The following CELF2 variants were observed in gnomAD, a reference collection of about 807,000 sequenced individuals.
The protein encoded by CELF2 is CUG triplet repeat RNA-binding protein 2.
In CELF2, 8 loss-of-function variants were observed where a neutral mutation model predicts 62.6. The observed-to-expected ratio is 0.13, with a 90% confidence interval of 0.07 to 0.23. The LOEUF (loss-of-function observed/expected upper bound fraction) is 0.23, where lower values mean the gene tolerates loss of function less well. Among genes scored for constraint, CELF2 ranks in the 10% least tolerant of loss-of-function variants. The probability of loss-of-function intolerance (pLI) is 1.00; values close to 1 mark genes in which losing one functional copy is unlikely to be tolerated. For missense variants in CELF2, 333 were observed against 671.0 expected, an observed-to-expected ratio of 0.50 and a Z score of 5.56; for synonymous variants, 258 against 250.0, an observed-to-expected ratio of 1.03 and a Z score of -0.30.
chr10:10,699,326 A>G, the CELF2 span, among the ~76,000 whole-genome samples: 1 of 152,220 alleles, frequency 6.6e-6, no homozygotes. Flanking sequence ...GGATTTCAAT[A>G]TAATCTGTGG....
chr10:10,735,591 A>C, the CELF2 span, among the ~76,000 whole-genome samples: 4 of 152,236 alleles, frequency 2.6e-5, no homozygotes, highest in African/African-American at 7.2e-5. Flanking sequence ...AGACAGATGA[A>C]TATCTATTTC....
At chr10:10,984,388 G>A (rs953550602) in intron 2 of CELF2, among the ~76,000 whole-genome samples, 4 of 152,170 alleles carry the variant, frequency 2.6e-5, no homozygotes, top group Non-Finnish European at 5.9e-5. Context: ...TGACTACTTG[G>A]CTTATTTAAC....
intron 1 of CELF2, chr10:11,096,296 T>A (rs2049856880): frequency 6.6e-6 from 1 of 152,236 alleles, no homozygotes; most frequent in African/African-American, 2.4e-5. Context: ...TCTTTCTTTG[T>A]CTTACCTCTA....
In CELF2 at chr10:11,309,706, G is replaced by A. The variant is rs2094461330; in HGVS notation, c.977-4433G>A. ...TTGAGGCCTGCTCTGATCCCAGGAG[G>A]ACTCTTTCTGGCTGTCCCTTTCCCT... On this transcript the variant is annotated intron_variant, in intron 9 of 12. Transcript: ENST00000633077. This position sits in a 1 kb window ranked among gnomAD's most constrained non-coding sequence, Gnocchi z 5.6. Among the ~76,000 whole-genome samples, 1 of 152,134 alleles carries A rather than the reference G, an allele frequency of 6.6e-6. No individual in the cohort carries two copies. Among genetic ancestry groups the A allele is most frequent in the Non-Finnish European group, 1.5e-5 (1 of 68,006 alleles).
At chr10:10,694,143 G>A in the CELF2 span, among the ~76,000 whole-genome samples, 1 of 150,966 alleles carries the variant, frequency 6.6e-6, no homozygotes, top group Non-Finnish European at 1.5e-5. Context: ...TCTCTTGTGG[G>A]CATTTAGTGC....
At chr10:10,637,413 A>T in the CELF2 span, among the ~76,000 whole-genome samples, 1 of 152,166 alleles carries the variant, frequency 6.6e-6, no homozygotes, top group Non-Finnish European at 1.5e-5. Context: ...TGTCTTCCTT[A>T]GCCTCCCAGA....
chr10:10,825,082 T>C (rs2057277979), intron 1 of CELF2, among the ~76,000 whole-genome samples: 3 of 152,238 alleles, frequency 2.0e-5, no homozygotes, highest in Non-Finnish European at 4.4e-5. Context: ...TGTTTCACAA[T>C]CGGAAATTGA....
intron 2 of CELF2, among the ~76,000 whole-genome samples, chr10:11,193,406 C>T (rs2056554662): frequency 6.6e-6 from 1 of 152,230 alleles, no homozygotes; most frequent in Admixed American, 6.5e-5. Context: ...CAAAGTTTCA[C>T]CGTGACAAGT....
At chr10:11,307,221 G>A (rs74115828) in intron 9 of CELF2, among the ~76,000 whole-genome samples, 473 of 152,362 alleles carry the variant, frequency 3.1e-3, no homozygotes, top group African/African-American at 0.01. Context: ...CTAGAAGCGC[G>A]CTCTGACGGG....
At chr10:10,875,929 G>A (rs922236334) in intron 1 of CELF2, among the ~76,000 whole-genome samples, 2 of 152,138 alleles carry the variant, frequency 1.3e-5, no homozygotes, top group African/African-American at 4.8e-5. Context: ...CAGCCTTAAT[G>A]GTGCATTTAT....
the CELF2 span, among the ~76,000 whole-genome samples, chr10:10,617,896 T>C: frequency 1.3e-5 from 2 of 152,084 alleles, no homozygotes; most frequent in Non-Finnish European, 2.9e-5. Flanking sequence ...ATTTTCCTAA[T>C]TGGTACAACA....
chr10:10,797,894 C>T (rs2054252548), upstream of CELF2, among the ~76,000 whole-genome samples: 2 of 152,146 alleles, frequency 1.3e-5, no homozygotes, highest in African/African-American at 4.8e-5. Flanking sequence ...GAAAACAATA[C>T]TGCCTGGATA....
rs1260067198 is a variant in CELF2 at position 11,191,756 on chromosome 10, G to A, written c.272-25669G>A. ...TAGTTACATAATGGTTATCTCATTG[G>A]TGTTTAGATTTCTGAACAAAACGAT... On this transcript the variant is annotated intron_variant, in intron 2 of 12. Coordinates refer to ENST00000633077, the MANE Select transcript of CELF2 (RefSeq NM_001326342.2). This position sits in a 1 kb window ranked among gnomAD's most constrained non-coding sequence, Gnocchi z 4.1. Among the ~76,000 whole-genome samples the A allele has an allele frequency of 1.3e-5, 2 of 152,190 alleles. No homozygotes were observed. Among genetic ancestry groups the A allele is most frequent in the Non-Finnish European group, 1.5e-5 (1 of 68,020 alleles).
At chr10:10,624,609 C>T in the CELF2 span, among the ~76,000 whole-genome samples, 2 of 152,222 alleles carry the variant, frequency 1.3e-5, no homozygotes, top group African/African-American at 2.4e-5. Flanking sequence ...CGCCCAGCAT[C>T]ATGTTTTCCG....
rs2053301717 is a variant in CELF2, at chr10:10,990,467, G to T, written c.89+70468G>T. On this transcript the variant is annotated intron_variant, in intron 2 of 13. Transcript: ENST00000636488. This position sits in a 1 kb window ranked among gnomAD's most constrained non-coding sequence, Gnocchi z 4.6. ...CTGAGCATTATTATGAGCATGAATT[G>T]CTTTTGTAATCATTAAAAACAATAA... Among the ~76,000 whole-genome samples, 1 of 152,056 alleles carries T rather than the reference G, an allele frequency of 6.6e-6. No homozygotes were observed. The highest frequency in any genetic ancestry group is 2.4e-5 in the African/African-American group (1 of 41,436).
intron 1 of CELF2, among the ~76,000 whole-genome samples, chr10:10,875,467 T>C (rs1175692501): frequency 6.6e-6 from 1 of 152,244 alleles, no homozygotes; most frequent in Non-Finnish European, 1.5e-5. Flanking sequence ...CTTAAAATTA[T>C]AAAAATTGAT....
chr10:10,634,285 T>G, the CELF2 span, among the ~76,000 whole-genome samples: 3 of 152,154 alleles, frequency 2.0e-5, no homozygotes, highest in African/African-American at 7.2e-5. Flanking sequence ...TCATTAATAT[T>G]TTTCCTAGGT....
At chr10:10,734,961 A>G in the CELF2 span, among the ~76,000 whole-genome samples, 1 of 152,208 alleles carries the variant, frequency 6.6e-6, no homozygotes, top group Non-Finnish European at 1.5e-5. Context: ...CCTGAAGCTC[A>G]GACTACTCAA....
At chr10:10,887,970 A>G (rs2061874260) in intron 1 of CELF2, among the ~76,000 whole-genome samples, 1 of 152,068 alleles carries the variant, frequency 6.6e-6, no homozygotes, top group Non-Finnish European at 1.5e-5. Flanking sequence ...ACGGGGTTTC[A>G]CCATGTTGGC....
Sources: allele counts gnomAD v4.1 joint callset (sites outside exome capture counted in the v4.1 genomes callset), GRCh38; gene constraint gnomAD v4.1.1; non-coding constraint Gnocchi (gnomAD v3.1); transcripts MANE v1.5; gene names NCBI Gene and HGNC (gene_info 2026-07-23, HGNC 2026-07-21).